The following PTGER3 variants were observed in gnomAD, a reference collection of about 807,000 sequenced individuals.
PTGER3 encodes prostaglandin E2 receptor EP3 subtype.
A neutral mutation model predicts 34.7 loss-of-function variants in PTGER3; 22 were observed. The ratio of observed to expected loss-of-function variants is 0.63; its 90% CI spans 0.45 to 0.91. The LOEUF is 0.91. Among genes scored for constraint, PTGER3 ranks in the 40% least tolerant of loss-of-function variants. The pLI is 0.00. For synonymous variants in PTGER3, 241 were observed against 230.1 expected, an observed-to-expected ratio of 1.05 and a Z score of -0.43; for missense variants, 468 against 519.4, an observed-to-expected ratio of 0.90 and a Z score of 0.96.
chr1:70,934,573 C>T (rs1445494960), intron 4 of PTGER3, among the ~76,000 whole-genome samples: 3 of 152,080 alleles, frequency 2.0e-5, no homozygotes, highest in Non-Finnish European at 2.9e-5. Context: ...GTGGCCTGTC[C>T]ATCACTAACA....
At chr1:70,958,025 G>A (rs1651536969) in intron 2 of PTGER3, among the ~76,000 whole-genome samples, 1 of 151,964 alleles carries the variant, frequency 6.6e-6, no homozygotes, top group Non-Finnish European at 1.5e-5. Flanking sequence ...TCTGTGTTAT[G>A]GTTAAATGGT....
rs542823073 is a variant in PTGER3 at position 70,890,448 on chromosome 1, A to AT, written c.*24-37590_*24-37589insA. On this transcript the variant is annotated intron_variant, in intron 4 of 4. Transcript: ENST00000370931. ...ACTGGTGGAGGATGATAGAAAAAAA[A>AT]GTGGACATCAAAACAACTATAATAC... 5.5e-3 allele frequency among the ~76,000 whole-genome samples: 836 copies of AT among 152,320 alleles called. 5 individuals are homozygous for AT. Among genetic ancestry groups the AT allele is most frequent in the Middle Eastern group, 0.037 (11 of 294 alleles).
chr1:71,046,973 T>C lies in PTGER3; in HGVS notation c.605A>G (p.Gln202Arg). The C allele has an allele frequency of 1.2e-6, 2 of 1,611,728 alleles. No individual in the cohort carries two copies. Among genetic ancestry groups the C allele is most frequent in the Non-Finnish European group, 1.7e-6 (2 of 1,179,200 alleles). ...PVLGVGQYTV[Q>R]WPGTWCFIST... The stretch of plus-strand genomic sequence containing the variant: ...GATGAAGCACCACGTCCCGGGCCAC[T>C]GGACGGTGTACTGGCCCACGCCCAG... Residue 202 changes from glutamine to arginine, a missense_variant, in exon 1 of 4, where the codon CAG (glutamine) becomes CGG (arginine). By Grantham distance (43) the Gln-to-Arg change is conservative (BLOSUM62 1). Coordinates refer to ENST00000306666, the MANE Select transcript of PTGER3 (RefSeq NM_198719.2).
intron 4 of PTGER3, among the ~76,000 whole-genome samples, chr1:70,918,971 G>A (rs557979300): frequency 4.6e-5 from 7 of 152,120 alleles, no homozygotes; most frequent in Non-Finnish European, 7.4e-5. Context: ...TCTTGGACAC[G>A]TATTCAGAGA....
chr1:70,983,315 A>G (rs1390771856), intron 2 of PTGER3, among the ~76,000 whole-genome samples: 1 of 151,480 alleles, frequency 6.6e-6, no homozygotes, highest in African/African-American at 2.4e-5. Flanking sequence ...TTCTATGGCT[A>G]GAATTGGGGA....
intron 2 of PTGER3, among the ~76,000 whole-genome samples, chr1:70,988,905 C>G (rs1355685847): frequency 2.0e-5 from 3 of 152,056 alleles, no homozygotes; most frequent in African/African-American, 7.2e-5. Flanking sequence ...TTATAGCTAG[C>G]CTAAAATGAA....
In PTGER3 at chr1:71,047,044, C is replaced by T. The variant is rs1256872147; in HGVS notation, c.534G>A (p.Leu178=). The change falls in exon 1 of 4, where the codon CTG becomes CTA. Residue 178 remains leucine, a synonymous_variant. Coordinates refer to ENST00000306666, the MANE Select transcript of PTGER3 (RefSeq NM_198719.2). ...CGAGCACGGCCAGCCACACGCCGAG[C>T]AGCACAGCGCGGGTGGCACGCGTCT... The part of the protein sequence containing the change: ...HMKTRATRAV[L]LGVWLAVLAF... The T allele has an allele frequency of 6.2e-7, 1 of 1,611,450 alleles. No individual in the cohort carries two copies. The highest frequency in any genetic ancestry group is 1.7e-5 in the Admixed American group (1 of 59,904).
At chr1:71,034,482 A>G (rs1045806142) in intron 1 of PTGER3, among the ~76,000 whole-genome samples, 1 of 152,214 alleles carries the variant, frequency 6.6e-6, no homozygotes, top group Non-Finnish European at 1.5e-5. Flanking sequence ...GTAAATGCAC[A>G]TGAGTTTACA....
chr1:71,042,681 C>T (rs1660419703), intron 1 of PTGER3, among the ~76,000 whole-genome samples: 1 of 152,032 alleles, frequency 6.6e-6, no homozygotes, highest in Non-Finnish European at 1.5e-5. Context: ...TATAAAACAA[C>T]ATTATTTCTG....
At chr1:70,873,965 A>G (rs188951076) in intron 4 of PTGER3, among the ~76,000 whole-genome samples, 274 of 152,262 alleles carry the variant, frequency 1.8e-3, no homozygotes, top group African/African-American at 6.1e-3. Flanking sequence ...TCTTCTTAAA[A>G]TTTTAACCTT....
chr1:70,915,471 CAG>C (rs1054973599), intron 4 of PTGER3, among the ~76,000 whole-genome samples: 9 of 151,908 alleles, frequency 5.9e-5, no homozygotes, highest in African/African-American at 2.2e-4. Context: ...AGGTTGCAAA[CAG>C]AGCATACTGG....
intron 4 of PTGER3, among the ~76,000 whole-genome samples, chr1:70,874,250 C>T (rs1481831137): frequency 6.6e-6 from 1 of 152,174 alleles, no homozygotes; most frequent in Non-Finnish European, 1.5e-5. Context: ...CTCACACTTC[C>T]TCAGCCCCTA....
chr1:70,996,733 G>C (rs1000760915), intron 2 of PTGER3, among the ~76,000 whole-genome samples: 1 of 150,900 alleles, frequency 6.6e-6, no homozygotes, highest in Non-Finnish European at 1.5e-5. Flanking sequence ...GCGAGATCTC[G>C]GCTCACTGCA....
At chr1:70,869,111 C>T (rs1393187951) in intron 4 of PTGER3, 1 of 343,436 alleles carries the variant, frequency 2.9e-6, no homozygotes, top group Non-Finnish European at 5.8e-6. Context: ...CTTGTACATG[C>T]TTTACTCATA....
At chr1:71,035,193 A>G (rs1010119125) in intron 1 of PTGER3, among the ~76,000 whole-genome samples, 1 of 152,186 alleles carries the variant, frequency 6.6e-6, no homozygotes, top group Non-Finnish European at 1.5e-5. Flanking sequence ...TATAATGCAC[A>G]CTCTCTTATT....
At chr1:70,979,856 T>C (rs1654088339) in intron 2 of PTGER3, among the ~76,000 whole-genome samples, 1 of 152,196 alleles carries the variant, frequency 6.6e-6, no homozygotes, top group South Asian at 2.1e-4. Flanking sequence ...TTACTAGGCT[T>C]TGTAACTTCT....
Position 70,855,148 on chromosome 1 carries a change from A to G in PTGER3, c.*24-2289T>C, listed in dbSNP as rs181874049. On this transcript the variant is annotated intron_variant, in intron 4 of 4. Coordinates refer to the PTGER3 transcript ENST00000370931. ...GTGGAATATTACTTAGCTTAAAAAG[A>G]GAAGGAAATTCTGTCATGTGCTATA... Among the ~76,000 whole-genome samples the G allele has an allele frequency of 4.2e-3, 559 of 133,610 alleles. 1 individual carries two copies. Among genetic ancestry groups the G allele is most frequent in the African/African-American group, 0.014 (541 of 39,066 alleles). The allele number at this position is 133,610 out of a possible 152,430, so 87.7% of individuals were successfully genotyped here. A position where few individuals can be genotyped will look rare whatever the true frequency, so the allele number is the denominator to read the frequency against.
rs1289502228 is a variant in PTGER3 at position 70,970,899 on chromosome 1, T to C, written c.*831A>G. The C allele has an allele frequency of 2.0e-6, 2 of 984,668 alleles. No individual in the cohort carries two copies. Among genetic ancestry groups the C allele is most frequent in the East Asian group, 2.3e-4 (2 of 8,822 alleles). The allele number at this position is 984,668 out of a possible 1,614,324, so 61.0% of individuals were successfully genotyped here. On this transcript the variant is annotated 3_prime_UTR_variant, in exon 4 of 4. Transcript: ENST00000306666. ...CTGTTATTTATTAATTTTGCCTTTG[T>C]ATATGCTGCCAGAAAAGAAATATTA...
At chr1:70,947,850 T>TA (rs1164894308), downstream of PTGER3, among the ~76,000 whole-genome samples, 1 of 152,206 alleles carries the variant, frequency 6.6e-6, no homozygotes, top group African/African-American at 2.4e-5. Flanking sequence ...GTACATGTTC[T>TA]AAAAATGTTT....
Sources: allele counts gnomAD v4.1 joint callset (sites outside exome capture counted in the v4.1 genomes callset), GRCh38; gene constraint gnomAD v4.1.1; transcripts MANE v1.5; gene names NCBI Gene and HGNC (gene_info 2026-07-23, HGNC 2026-07-21).